Variants in LNX1 observed in about 807,000 individuals in gnomAD.
The protein encoded by LNX1 is E3 ubiquitin-protein ligase LNX.
A neutral mutation model predicts 68.4 loss-of-function variants in LNX1; 54 were observed. The observed-to-expected ratio is 0.79, with a 90% CI of 0.63 to 0.99. The LOEUF (loss-of-function observed/expected upper bound fraction) is 0.99. LNX1 is among the 50% of genes least tolerant of loss of function. The pLI, the probability that LNX1 is intolerant of heterozygous loss-of-function variation, is 0.00. For synonymous variants in LNX1, 336 were observed against 350.0 expected, an observed-to-expected ratio of 0.96 and a Z score of 0.45; for missense variants, 906 against 926.4, an observed-to-expected ratio of 0.98 and a Z score of 0.29.
At chr4:53,513,550 C>A (rs865814646) in intron 2 of LNX1, among the ~76,000 whole-genome samples, 2 of 152,228 alleles carry the variant, frequency 1.3e-5, no homozygotes, top group Non-Finnish European at 1.5e-5. Context: ...CAAACCAGCT[C>A]TTCCCACATG....
chr4:53,600,619 T>C (rs1338599186), intron 2 of LNX1, among the ~76,000 whole-genome samples: 1 of 152,168 alleles, frequency 6.6e-6, no homozygotes, highest in Non-Finnish European at 1.5e-5. Flanking sequence ...AATATAATAA[T>C]AGGGGAAGTT....
chr4:53,496,585 C>G, intron 5 of LNX1, 191 bp from the exon 6 acceptor site: 1 of 586,736 alleles, frequency 1.7e-6, no homozygotes, highest in Non-Finnish European at 2.9e-6. Context: ...GCCTGCAGCA[C>G]CTCTCCAGGC....
intron 2 of LNX1, among the ~76,000 whole-genome samples, chr4:53,573,051 G>A (rs1434770361): frequency 6.6e-6 from 1 of 152,116 alleles, no homozygotes; most frequent in Non-Finnish European, 1.5e-5. Flanking sequence ...TCCTTTTGAG[G>A]CCCATAAGCC....
chr4:53,465,064 T>C, intron 9 of LNX1, among the ~76,000 whole-genome samples: 1 of 152,288 alleles, frequency 6.6e-6, no homozygotes, highest in South Asian at 2.1e-4. Flanking sequence ...ATGGAAGCTA[T>C]TCTTCCAAGC....
chr4:53,495,512 T>G (rs1462176865), intron 6 of LNX1, among the ~76,000 whole-genome samples: 1 of 150,322 alleles, frequency 6.7e-6, no homozygotes, highest in Non-Finnish European at 1.5e-5. Flanking sequence ...TAAGACTTAC[T>G]CTGTCCATAG....
exon 1 of LNX1, chr4:53,652,187 A>G (rs1177154739): frequency 6.6e-6 from 1 of 152,220 alleles, no homozygotes; most frequent in East Asian, 1.9e-4. Flanking sequence ...ATTGCGGATC[A>G]GTTCCCAGCT....
chr4:53,643,296 G>A (rs1328069413), intron 1 of LNX1, among the ~76,000 whole-genome samples: 4 of 151,960 alleles, frequency 2.6e-5, no homozygotes, highest in African/African-American at 2.4e-5. Flanking sequence ...GACCACAGAC[G>A]CATGCCACCA....
chr4:53,571,175 A>G (rs1453919357), intron 2 of LNX1, among the ~76,000 whole-genome samples: 1 of 151,772 alleles, frequency 6.6e-6, no homozygotes, highest in Non-Finnish European at 1.5e-5. Flanking sequence ...TTGGGCCACC[A>G]TGCCCAGCTA....
intron 2 of LNX1, among the ~76,000 whole-genome samples, chr4:53,513,722 G>A (rs1322120727): frequency 1.3e-5 from 2 of 152,186 alleles, no homozygotes; most frequent in African/African-American, 2.4e-5. Context: ...ACTGGTCCAA[G>A]CCACCATCAT....
At chr4:53,550,122 A>G (rs1729402354) in intron 2 of LNX1, among the ~76,000 whole-genome samples, 1 of 152,372 alleles carries the variant, frequency 6.6e-6, no homozygotes, top group Admixed American at 6.5e-5. Flanking sequence ...TTGGACATCA[A>G]AGAATCATTA....
chr4:53,587,717 G>T (rs1007203835), intron 1 of LNX1, among the ~76,000 whole-genome samples: 1 of 152,160 alleles, frequency 6.6e-6, no homozygotes, highest in Non-Finnish European at 1.5e-5. Flanking sequence ...TTTAAGTGAG[G>T]AATTCAAATA....
chr4:53,631,633 T>G (rs1226315303), intron 1 of LNX1, among the ~76,000 whole-genome samples: 1 of 152,204 alleles, frequency 6.6e-6, no homozygotes, highest in African/African-American at 2.4e-5. Context: ...AAGAAGTCCC[T>G]GATGTCAGAC....
intron 1 of LNX1, chr4:53,575,632 A>C (rs1731434055): frequency 2.3e-6 from 3 of 1,325,840 alleles, no homozygotes; most frequent in Admixed American, 6.3e-5. Context: ...TTTTGGCTGC[A>C]TTGGCTGGGG....
At chr4:53,596,849 CTT>C (rs1732776873) in intron 2 of LNX1, among the ~76,000 whole-genome samples, 1 of 152,144 alleles carries the variant, frequency 6.6e-6, no homozygotes, top group African/African-American at 2.4e-5. Context: ...AGGATCACCC[CTT>C]AGATCTTGTT....
intron 4 of LNX1, among the ~76,000 whole-genome samples, chr4:53,504,125 C>T (rs965864698): frequency 1.6e-4 from 24 of 152,038 alleles, no homozygotes; most frequent in African/African-American, 5.6e-4. Context: ...ACAGAGCGAG[C>T]GAGACTCCGT....
chr4:53,527,588 G>A (rs1480935825), intron 2 of LNX1, among the ~76,000 whole-genome samples: 4 of 152,214 alleles, frequency 2.6e-5, no homozygotes, highest in Non-Finnish European at 5.9e-5. Flanking sequence ...TCATGCATAG[G>A]AAATGCTTTG....
At chr4:53,590,665 A>G (rs1648545518) in intron 1 of LNX1, among the ~76,000 whole-genome samples, 1 of 152,230 alleles carries the variant, frequency 6.6e-6, no homozygotes, top group Non-Finnish European at 1.5e-5. Context: ...CCAAAAAATT[A>G]AAAATCAGAC....
At chr4:53,630,838 T>C (rs1249093542) in intron 1 of LNX1, among the ~76,000 whole-genome samples, 1 of 152,208 alleles carries the variant, frequency 6.6e-6, no homozygotes, top group Non-Finnish European at 1.5e-5. Context: ...ATTCAGTGTT[T>C]GCAGTGATTT....
intron 2 of LNX1, among the ~76,000 whole-genome samples, chr4:53,517,261 C>CT (rs927886929): frequency 4.6e-4 from 70 of 151,236 alleles, no homozygotes; most frequent in Admixed American, 3.6e-3. Context: ...CCACCTTGAT[C>CT]TTTTTTTTTG....
Sources: allele counts gnomAD v4.1 joint callset (sites outside exome capture counted in the v4.1 genomes callset), GRCh38; gene constraint gnomAD v4.1.1; transcripts MANE v1.5; gene names NCBI Gene and HGNC (gene_info 2026-07-23, HGNC 2026-07-21).